The following SLC17A1 variants were observed in gnomAD, a reference collection of about 807,000 sequenced individuals.
The protein encoded by SLC17A1 is solute carrier family 17 member 1.
SLC17A1 carries 51 observed loss-of-function variants against 53.5 expected under a neutral mutation model. The ratio of observed to expected loss-of-function variants is 0.95; its 90% CI spans 0.76 to 1.20. SLC17A1 has a LOEUF of 1.20. Among genes scored for constraint, SLC17A1 ranks in the 50% most tolerant of loss-of-function variants. The probability of loss-of-function intolerance (pLI) is 0.00; values close to 1 mark genes in which losing one functional copy is unlikely to be tolerated. For synonymous variants in SLC17A1, 179 were observed against 198.8 expected (o/e 0.90, Z 0.84); for missense variants, 538 against 568.2 (o/e 0.95, Z 0.54).
At chr6:25,789,084 T>C (rs868252057) in intron 12 of SLC17A1, among the ~76,000 whole-genome samples, 12 of 152,258 alleles carry the variant, frequency 7.9e-5, no homozygotes, top group South Asian at 4.2e-4. Flanking sequence ...CATGAACACA[T>C]CTACCACTGA....
rs57739734 is a variant in SLC17A1 at position 25,827,641 on chromosome 6, T to C, written c.35-1008A>G. ...CTGCCTCTGACCTGTACAACCAGATTTAAAGGGCTCATGTGATTAGATCTC... is the reference window on the plus strand; with the variant it reads ...CTGCCTCTGACCTGTACAACCAGATCTAAAGGGCTCATGTGATTAGATCTC... On this transcript the variant is annotated intron_variant, in intron 2 of 12. Coordinates refer to ENST00000244527, the MANE Select transcript of SLC17A1 (RefSeq NM_005074.5). 7.7e-3 allele frequency among the ~76,000 whole-genome samples: 1,175 copies of C among 152,250 alleles called. 25 individuals carry two copies. The highest frequency in any genetic ancestry group is 0.063 in the East Asian group (325 of 5,180).
intron 12 of SLC17A1, among the ~76,000 whole-genome samples, chr6:25,785,431 C>T (rs1410795725): frequency 1.3e-5 from 2 of 152,012 alleles, no homozygotes; most frequent in Non-Finnish European, 2.9e-5. Flanking sequence ...TATATGACAA[C>T]AAAGCCACAA....
the SLC17A1 span, chr6:25,727,323 A>G: frequency 1.3e-6 from 2 of 1,545,554 alleles, no homozygotes; most frequent in South Asian, 1.3e-5. Flanking sequence ...TTCTAACCCA[A>G]AGGCTCTTTT....
the SLC17A1 span, chr6:25,773,461 T>C: frequency 2.5e-6 from 4 of 1,612,926 alleles, no homozygotes; most frequent in African/African-American, 4.0e-5. Context: ...AAGAATGTGA[T>C]AGAGAGAGCT....
chr6:25,734,349 T>C, the SLC17A1 span, among the ~76,000 whole-genome samples: 1 of 152,098 alleles, frequency 6.6e-6, no homozygotes, highest in South Asian at 2.1e-4. Flanking sequence ...AAAATAGAAA[T>C]TGCTTAAATT....
At chr6:25,805,811 A>G (rs1763933491) in intron 10 of SLC17A1, among the ~76,000 whole-genome samples, 1 of 152,046 alleles carries the variant, frequency 6.6e-6, no homozygotes, top group African/African-American at 2.4e-5. Context: ...CTTCTAGATT[A>G]AATTAGGAAA....
the SLC17A1 span, among the ~76,000 whole-genome samples, chr6:25,765,484 G>C: frequency 2.0e-5 from 3 of 152,174 alleles, no homozygotes; most frequent in Non-Finnish European, 2.9e-5. Flanking sequence ...TCACACTGCT[G>C]TGCTTACGTT....
At position 25,785,689 on chromosome 6, in the gene SLC17A1, T is replaced by TA. The variant is rs891034335; in HGVS notation, c.*3-2472dup. ...AACACACTGAATATATATATTTCTGTAAAAAAACAGAAGAATAGCCAATAA... is the reference window on the plus strand; with the variant it reads ...AACACACTGAATATATATATTTCTGTAAAAAAAACAGAAGAATAGCCAATAA... On this transcript the variant is annotated intron_variant, in intron 12 of 12. Coordinates refer to ENST00000244527, the MANE Select transcript of SLC17A1 (RefSeq NM_005074.5). Among the ~76,000 whole-genome samples the TA allele has an allele frequency of 2.7e-4, 41 of 152,002 alleles. 1 individual carries two copies. The highest frequency in any genetic ancestry group is 1.5e-3 in the East Asian group (8 of 5,178).
At chr6:25,816,221 C>T (rs1581485465) in intron 6 of SLC17A1, among the ~76,000 whole-genome samples, 2 of 152,158 alleles carry the variant, frequency 1.3e-5, no homozygotes, top group African/African-American at 4.8e-5. Flanking sequence ...TGAAGCTTGA[C>T]CTATTCCTAC....
At chr6:25,731,705 A>T in the SLC17A1 span, 2 of 983,480 alleles carry the variant, frequency 2.0e-6, no homozygotes, top group Non-Finnish European at 2.9e-6. Context: ...TAAACATTCT[A>T]CAGCCCTATT....
At chr6:25,752,051 C>G in the SLC17A1 span, among the ~76,000 whole-genome samples, 10 of 152,224 alleles carry the variant, frequency 6.6e-5, no homozygotes, top group Non-Finnish European at 1.3e-4. Context: ...GCCACAGAAA[C>G]TCATCTACTG....
chr6:25,733,808 G>GTGTA, the SLC17A1 span, among the ~76,000 whole-genome samples: 105 of 51,284 alleles, frequency 2.0e-3, no homozygotes, highest in African/African-American at 6.3e-3. Flanking sequence ...GTGTGTGTAT[G>GTGTA]TGTGTGTGTG....
chr6:25,724,410 G>A, the SLC17A1 span, among the ~76,000 whole-genome samples: 11 of 152,328 alleles, frequency 7.2e-5, no homozygotes, highest in Admixed American at 2.6e-4. Flanking sequence ...GTGACAGAGC[G>A]AGACTCTGGC....
intron 10 of SLC17A1, among the ~76,000 whole-genome samples, chr6:25,801,520 G>A (rs1183775403): frequency 1.3e-5 from 2 of 152,172 alleles, no homozygotes; most frequent in Admixed American, 1.3e-4. Context: ...GATAGATAAA[G>A]GGGTCAAACC....
intron 10 of SLC17A1, among the ~76,000 whole-genome samples, chr6:25,809,113 T>C (rs904079296): frequency 2.0e-5 from 3 of 151,956 alleles, no homozygotes; most frequent in African/African-American, 7.2e-5. Flanking sequence ...TGGATGGAAA[T>C]AAAGGCCCTT....
Position 25,819,067 on chromosome 6 carries a change from C to G in SLC17A1, c.616+1G>C, listed in dbSNP as rs1291979230. 2.5e-6 allele frequency: 4 copies of G among 1,587,528 alleles called. No homozygotes were observed. In the South Asian group the frequency reaches 4.7e-5, roughly 19 times the overall value. ...CTAGGATTTTACAGAAAGAGACTCA[C>G]CAAAAATATAGAAGACCATGGGCCA... is the stretch of plus-strand genomic sequence containing the variant. On this transcript the variant is annotated splice_donor_variant, in intron 6 of 12. Transcript: ENST00000244527. LOFTEE classifies it high-confidence loss of function.
the SLC17A1 span, chr6:25,770,819 G>A: frequency 1.2e-6 from 1 of 850,832 alleles, no homozygotes; most frequent in Non-Finnish European, 2.0e-6. Context: ...AGATAGTTTG[G>A]CTTGAAACTC....
chr6:25,809,861 A>G (rs2151489881), intron 10 of SLC17A1, among the ~76,000 whole-genome samples: 1 of 152,286 alleles, frequency 6.6e-6, no homozygotes, highest in South Asian at 2.1e-4. Context: ...TCTGACTTCA[A>G]AATATACTTC....
At chr6:25,830,490 AAC>A in intron 2 of SLC17A1, 32 bp downstream of exon 2, 1 of 1,466,836 alleles carries the variant, frequency 6.8e-7, no homozygotes, top group South Asian at 1.1e-5. Flanking sequence ...TAAGAAAAAG[AAC>A]ACCTGTTTAA....
Sources: gnomAD v4.1 joint callset for allele counts (sites outside exome capture counted in the v4.1 genomes callset) on GRCh38, gnomAD v4.1.1 for gene constraint, MANE v1.5 for transcripts, NCBI Gene and HGNC (gene_info 2026-07-23, HGNC 2026-07-21) for gene names.